Variants in SYNE1 observed in about 807,000 individuals in gnomAD.
SYNE1 encodes spectrin repeat containing nuclear envelope protein 1.
SYNE1 carries 616 observed loss-of-function variants against 1,111.0 expected under a neutral mutation model. The observed-to-expected ratio is 0.55, with a 90% CI of 0.52 to 0.59. SYNE1 has a LOEUF of 0.59. SYNE1 is among the 20% of genes least tolerant of loss of function. The probability of loss-of-function intolerance (pLI) is 0.00; values close to 1 mark genes in which losing one functional copy is unlikely to be tolerated. For synonymous variants in SYNE1, 3,855 were observed against 3,825.8 expected, an observed-to-expected ratio of 1.01 and a Z score of -0.28; for missense variants, 10,006 against 10,417.0, an observed-to-expected ratio of 0.96 and a Z score of 1.72.
In SYNE1 at chr6:152,526,231, T is replaced by C. The variant is rs933617469; in HGVS notation, c.130-56A>G. On this transcript the variant is annotated intron_variant, in intron 4 of 145. Coordinates refer to ENST00000367255, the MANE Select transcript of SYNE1 (RefSeq NM_182961.4). ...AATATCTCTTCCCTCTCTGTTTCTC[T>C]CTTTCTCTCTCTCACCTTTGTTACT... is the stretch of plus-strand genomic sequence containing the variant. 4.6e-6 allele frequency: 7 copies of C among 1,523,304 alleles called. No homozygotes were observed. In the Admixed American group the frequency reaches 1.2e-4, roughly 26 times the overall value. 94.4% of individuals were successfully genotyped at this position (1,523,304 alleles called of 1,614,324 possible).
Position 152,156,556 on chromosome 6 carries a change from A to T in SYNE1, c.23791-459T>A, listed in dbSNP as rs193151457. Among the ~76,000 whole-genome samples, 54 of 152,304 alleles carry T rather than the reference A, an allele frequency of 3.5e-4. 1 individual carries two copies. Among genetic ancestry groups the T allele is most frequent in the Admixed American group, 1.1e-3 (17 of 15,296 alleles). Reference sequence around the variant, plus strand: ...TGTAGTATTTGCATACCTCCTACACACATCCTTCCATACACTTTAAATCAT... The same window carrying T: ...TGTAGTATTTGCATACCTCCTACACTCATCCTTCCATACACTTTAAATCAT... On this transcript the variant is annotated intron_variant, in intron 131 of 145. Transcript: ENST00000367255.
At position 152,430,168 on chromosome 6, in the gene SYNE1, G is replaced by T; in HGVS notation, c.4732C>A (p.Pro1578Thr). 1 of 1,604,990 alleles carries T rather than the reference G, an allele frequency of 6.2e-7. No individual in the cohort carries two copies. Among genetic ancestry groups the T allele is most frequent in the Non-Finnish European group, 8.5e-7 (1 of 1,174,168 alleles). The part of the protein sequence containing the change: ...VSEFEDKLAV[P>T]IKICSSATET... ...GTAGCTGAAGAACATATTTTAATTGGAACAGCAAGTTTATCTTCAAATTCA... is the reference window on the plus strand; with the variant it reads ...GTAGCTGAAGAACATATTTTAATTGTAACAGCAAGTTTATCTTCAAATTCA... The change falls in exon 36 of 146, where the codon CCA becomes ACA. Residue 1578 changes from proline to threonine, a missense_variant. Physicochemically the swap from Pro to Thr is conservative, Grantham distance 38 (BLOSUM62 -1). Coordinates refer to ENST00000367255, the MANE Select transcript of SYNE1 (RefSeq NM_182961.4).
chr6:152,139,601 GAGGGA>G (rs2057940577), intron 140 of SYNE1, among the ~76,000 whole-genome samples: 3 of 141,020 alleles, frequency 2.1e-5, no homozygotes, highest in East Asian at 4.5e-4. Flanking sequence ...GGAAGGAAGG[GAGGGA>G]GGGGGGAGAG....
At chr6:152,152,353 A>T (rs1369014468) in intron 133 of SYNE1, among the ~76,000 whole-genome samples, 1 of 152,220 alleles carries the variant, frequency 6.6e-6, no homozygotes, top group Non-Finnish European at 1.5e-5. Context: ...ATCAAAAAAT[A>T]TGAAAATGGG....
chr6:152,444,621 C>T lies in SYNE1; in HGVS notation c.3670-43G>A, dbSNP rs115049475. The T allele has an allele frequency of 6.0e-4, 928 of 1,556,132 alleles. 6 individuals carry two copies. The African/African-American group carries it at 8.7e-3, about 15-fold the overall frequency. ...AAAAAAACACGTAAATCATATGCTA[C>T]TTGTTGAAGTTTGTATAATTTTTTT... On this transcript the variant is annotated intron_variant, in intron 29 of 145. Coordinates refer to ENST00000367255, the MANE Select transcript of SYNE1 (RefSeq NM_182961.4).
At chr6:152,141,423 A>T (rs761517656) in intron 138 of SYNE1, 94 bp from the exon 139 acceptor site, 6 of 1,565,278 alleles carry the variant, frequency 3.8e-6, no homozygotes, top group African/African-American at 1.3e-5. Flanking sequence ...TCAGCAAGAG[A>T]AGTGTCTGTG....
At chr6:152,511,470 A>G in intron 6 of SYNE1, 1 of 1,032,056 alleles carries the variant, frequency 9.7e-7, no homozygotes, top group Non-Finnish European at 1.5e-6. Flanking sequence ...GAAGTTTAAG[A>G]AGATGCACTT....
chr6:152,526,243 T>G (rs2099163133), intron 4 of SYNE1, 68 bp from the exon 5 acceptor site: 2 of 1,484,432 alleles, frequency 1.3e-6, no homozygotes, highest in East Asian at 4.5e-5. Context: ...TTTCTCTCTC[T>G]CACCTTTGTT....
chr6:152,598,633 T>C (rs940467600), intron 3 of SYNE1, among the ~76,000 whole-genome samples: 4 of 152,186 alleles, frequency 2.6e-5, no homozygotes, highest in African/African-American at 9.6e-5. Flanking sequence ...ATTTGCAAAG[T>C]TAAAAGAAAG....
In SYNE1 at chr6:152,462,986, A is replaced by T. The variant is rs183394152; in HGVS notation, c.2098-96T>A. 160 of 1,428,940 alleles carry T rather than the reference A, an allele frequency of 1.1e-4. No individual in the cohort carries two copies. In the African/African-American group the frequency reaches 1.8e-3, roughly 16 times the overall value. The allele number at this position is 1,428,940 out of a possible 1,614,324, so 88.5% of individuals were successfully genotyped here. On this transcript the variant is annotated intron_variant, in intron 19 of 145. Transcript: ENST00000367255. ...CTTTCACATATTCGCTGGAATTGTT[A>T]TCCGGTAAGAAAGACTCTAATCTTT...
chr6:152,256,159 G>A (rs1013112588), intron 102 of SYNE1, among the ~76,000 whole-genome samples: 5 of 152,148 alleles, frequency 3.3e-5, no homozygotes, highest in African/African-American at 1.2e-4. Context: ...GGTGGCTCGC[G>A]CCTGTAATCC....
chr6:152,177,061 A>G lies in SYNE1; in HGVS notation c.23461-501T>C, dbSNP rs146862236. On this transcript the variant is annotated intron_variant, in intron 129 of 145. Coordinates refer to ENST00000367255, the MANE Select transcript of SYNE1 (RefSeq NM_182961.4). The stretch of plus-strand genomic sequence containing the variant: ...TATGTTATTTGTGAGGAATATTTTA[A>G]AAGAGTTCCTTCATTTTAAAGAGAT... Among the ~76,000 whole-genome samples, 9 of 152,314 alleles carry G rather than the reference A, an allele frequency of 5.9e-5. No homozygotes were observed. The East Asian group carries it at 1.7e-3, about 29-fold the overall frequency.
chr6:152,389,553 A>T (rs754317713), intron 53 of SYNE1, among the ~76,000 whole-genome samples: 1 of 152,198 alleles, frequency 6.6e-6, no homozygotes, highest in Admixed American at 6.5e-5. Flanking sequence ...AATGAGCCAG[A>T]TTATTTATGG....
intron 2 of SYNE1, among the ~76,000 whole-genome samples, chr6:152,631,103 A>G (rs1410953867): frequency 6.6e-6 from 1 of 152,216 alleles, no homozygotes; most frequent in African/African-American, 2.4e-5. Context: ...TAATACAAAA[A>G]TACCAGGGCT....
intron 48 of SYNE1, among the ~76,000 whole-genome samples, chr6:152,399,215 C>T (rs1277428655): frequency 6.6e-6 from 1 of 152,140 alleles, no homozygotes; most frequent in African/African-American, 2.4e-5. Flanking sequence ...TATGGCTGCC[C>T]TGTTTCATGG....
chr6:152,377,030 T>C, intron 56 of SYNE1, 118 bp from the exon 57 acceptor site: 1 of 1,286,934 alleles, frequency 7.8e-7, no homozygotes, highest in Non-Finnish European at 1.1e-6. Flanking sequence ...ACCAACATGG[T>C]AGATTCAATG....
At chr6:152,290,285 G>A (rs2094538182) in intron 95 of SYNE1, among the ~76,000 whole-genome samples, 1 of 152,128 alleles carries the variant, frequency 6.6e-6, no homozygotes, top group African/African-American at 2.4e-5. Context: ...AGCCAAGCAT[G>A]GTGGCTCACA....
At chr6:152,224,036 A>T (rs7741405) in intron 117 of SYNE1, among the ~76,000 whole-genome samples, 36,880 of 152,160 alleles carry the variant, frequency 0.24, 4,616 homozygotes, top group African/African-American at 0.28. Context: ...TTCTGTGGAC[A>T]CGCTGGATAG....
At position 152,416,793 on chromosome 6, in the gene SYNE1, C is replaced by T. The variant is rs747706541; in HGVS notation, c.5644G>A (p.Gly1882Ser). Residue 1882 changes from glycine to serine, a missense_variant, in exon 41 of 146, where the codon GGC becomes AGC. Gly to Ser is a moderately conservative substitution (Grantham distance 56). This residue lies in a region of SYNE1 where 4,955 missense variants were observed against 5,017.2 expected (regional missense o/e 0.99). Transcript: ENST00000367255. ...GTTTGCCTCAGCTGGCGGAGAATGC[C>T]GGACAGAGAGGCATGGCTCTGGAGG... ...EFLQSHASLS[G>S]ILRQLRQTVE... The T allele has an allele frequency of 1.9e-6, 3 of 1,614,140 alleles. No individual in the cohort carries two copies. Among genetic ancestry groups the T allele is most frequent in the Middle Eastern group, 3.3e-4 (2 of 6,062 alleles).
Sources: allele counts gnomAD v4.1 joint callset (sites outside exome capture counted in the v4.1 genomes callset), GRCh38; gene constraint gnomAD v4.1.1; regional missense constraint gnomAD v4.1.1; transcripts MANE v1.5; gene names NCBI Gene and HGNC (gene_info 2026-07-23, HGNC 2026-07-21).